Variants in NR6A1 observed in about 807,000 individuals in gnomAD.
NR6A1 encodes the protein nuclear receptor subfamily 6 group A member 1, also known as retinoic acid receptor-related testis-associated receptor.
A neutral mutation model predicts 59.1 loss-of-function variants in NR6A1; 7 were observed. The ratio of observed to expected loss-of-function variants is 0.12; its 90% CI spans 0.07 to 0.22. The LOEUF is 0.22. Among genes scored for constraint, NR6A1 ranks in the 10% least tolerant of loss-of-function variants. NR6A1 has a pLI of 1.00. For synonymous variants in NR6A1, 243 were observed against 236.1 expected, an observed-to-expected ratio of 1.03 and a Z score of -0.27; for missense variants, 468 against 611.6, an observed-to-expected ratio of 0.77 and a Z score of 2.48.
At chr9:124,764,273 A>C (rs1840867263) in intron 1 of NR6A1, among the ~76,000 whole-genome samples, 1 of 152,176 alleles carries the variant, frequency 6.6e-6, no homozygotes, top group African/African-American at 2.4e-5. Context: ...TAGATTTGTT[A>C]CTAAAATGTT....
At chr9:124,647,992 C>T (rs576911860) in intron 2 of NR6A1, among the ~76,000 whole-genome samples, 3 of 152,120 alleles carry the variant, frequency 2.0e-5, no homozygotes, top group Non-Finnish European at 2.9e-5. Context: ...AAGCCAAAGA[C>T]ACAACAACAA....
chr9:124,645,666 G>GA (rs1349264580), intron 2 of NR6A1, among the ~76,000 whole-genome samples: 9 of 152,188 alleles, frequency 5.9e-5, no homozygotes, highest in South Asian at 2.1e-4. Flanking sequence ...AGAACTACAA[G>GA]AAAAAAACAG....
intron 2 of NR6A1, chr9:124,693,855 G>T (rs1447754378): frequency 7.9e-6 from 4 of 505,358 alleles, no homozygotes; most frequent in Non-Finnish European, 1.6e-5. Flanking sequence ...AGCTACTGCT[G>T]TGAGTGGGAG....
At chr9:124,654,967 A>G (rs1186096952) in intron 2 of NR6A1, among the ~76,000 whole-genome samples, 1 of 150,986 alleles carries the variant, frequency 6.6e-6, no homozygotes, top group Non-Finnish European at 1.5e-5. Flanking sequence ...GGGCCACATC[A>G]TGTATGTTAG....
intron 2 of NR6A1, among the ~76,000 whole-genome samples, chr9:124,679,456 C>G (rs967938838): frequency 6.6e-6 from 1 of 152,164 alleles, no homozygotes; most frequent in Non-Finnish European, 1.5e-5. Context: ...TCAGCAGATC[C>G]GCACCTGCCC....
chr9:124,645,548 G>A (rs561572791), intron 2 of NR6A1, among the ~76,000 whole-genome samples: 2 of 152,192 alleles, frequency 1.3e-5, no homozygotes, highest in Non-Finnish European at 2.9e-5. Flanking sequence ...TCAGGAGAAA[G>A]AGGGGCATTA....
rs77306543 is a variant in NR6A1 at position 124,680,029 on chromosome 9, A to T, written c.142+53279T>A. 1.8e-3 allele frequency among the ~76,000 whole-genome samples: 271 copies of T among 152,050 alleles called. 6 individuals carry two copies. In the East Asian group the frequency reaches 0.048, roughly 27 times the overall value. ...ATTTATATCTCAAAAGGAAATTATG[A>T]GTTATACATTATATGTAATTATACA... On this transcript the variant is annotated intron_variant, in intron 2 of 9. Transcript: ENST00000487099.
intron 3 of NR6A1, among the ~76,000 whole-genome samples, chr9:124,549,629 G>A (rs1450376706): frequency 6.6e-6 from 1 of 152,228 alleles, no homozygotes; most frequent in Non-Finnish European, 1.5e-5. Flanking sequence ...ACAGAGAGCT[G>A]TCTTGCACAT....
At chr9:124,598,382 C>G (rs1366150894) in intron 2 of NR6A1, among the ~76,000 whole-genome samples, 1 of 149,878 alleles carries the variant, frequency 6.7e-6, no homozygotes, top group Non-Finnish European at 1.5e-5. Flanking sequence ...GAAGAAAAAT[C>G]ATTTAAGATT....
chr9:124,572,263 G>T (rs1834458453), intron 2 of NR6A1, among the ~76,000 whole-genome samples: 1 of 152,162 alleles, frequency 6.6e-6, no homozygotes, highest in African/African-American at 2.4e-5. Flanking sequence ...ATTAATGCAA[G>T]AAAAAGTTTT....
intron 1 of NR6A1, among the ~76,000 whole-genome samples, chr9:124,749,760 C>T (rs564555366): frequency 2.0e-5 from 3 of 152,250 alleles, no homozygotes; most frequent in South Asian, 2.1e-4. Flanking sequence ...TACCCTGCCC[C>T]GCTAAAATCA....
chr9:124,638,161 CAGA>C (rs1412114059), intron 2 of NR6A1, among the ~76,000 whole-genome samples: 1 of 151,400 alleles, frequency 6.6e-6, no homozygotes, highest in Non-Finnish European at 1.5e-5. Context: ...GAGGCTAAAG[CAGA>C]AGGATTGCTT....
intron 2 of NR6A1, among the ~76,000 whole-genome samples, chr9:124,591,297 C>G (rs563265651): frequency 6.6e-6 from 1 of 152,314 alleles, no homozygotes; most frequent in South Asian, 2.1e-4. Flanking sequence ...TTATTTAATT[C>G]CCATAGCGGT....
At chr9:124,694,078 C>T (rs1017702060) in intron 2 of NR6A1, among the ~76,000 whole-genome samples, 11 of 152,092 alleles carry the variant, frequency 7.2e-5, no homozygotes, top group African/African-American at 2.7e-4. Flanking sequence ...GAATCATATG[C>T]TTATTATTTA....
At chr9:124,625,943 G>A (rs1836230352) in intron 2 of NR6A1, among the ~76,000 whole-genome samples, 1 of 152,190 alleles carries the variant, frequency 6.6e-6, no homozygotes, top group African/African-American at 2.4e-5. Flanking sequence ...CCTTCAGACT[G>A]CAAATGCAGC....
At chr9:124,630,212 T>TG (rs927109434) in intron 2 of NR6A1, among the ~76,000 whole-genome samples, 1 of 142,472 alleles carries the variant, frequency 7.0e-6, no homozygotes, top group Non-Finnish European at 1.5e-5. Context: ...CCAAATCAGT[T>TG]TTTTTTTTTT....
intron 2 of NR6A1, among the ~76,000 whole-genome samples, chr9:124,645,790 ACTT>A (rs1836914078): frequency 6.6e-6 from 1 of 152,216 alleles, no homozygotes; most frequent in Non-Finnish European, 1.5e-5. Context: ...CCTATAGAAT[ACTT>A]CATCCAATTC....
chr9:124,675,365 A>G (rs1281325044), intron 2 of NR6A1, among the ~76,000 whole-genome samples: 1 of 152,248 alleles, frequency 6.6e-6, no homozygotes, highest in Non-Finnish European at 1.5e-5. Flanking sequence ...TACTTTATTC[A>G]TCACCAGCAT....
intron 2 of NR6A1, among the ~76,000 whole-genome samples, chr9:124,570,982 A>G (rs886396640): frequency 1.3e-5 from 2 of 152,234 alleles, no homozygotes; most frequent in African/African-American, 4.8e-5. Context: ...TATGCCCTTT[A>G]TGTATCTCAT....
Sources: gnomAD v4.1 joint callset for allele counts (sites outside exome capture counted in the v4.1 genomes callset) on GRCh38, gnomAD v4.1.1 for gene constraint, MANE v1.5 for transcripts, NCBI Gene and HGNC (gene_info 2026-07-23, HGNC 2026-07-21) for gene names.